The following MACROD2 variants were observed in gnomAD, a reference collection of about 807,000 sequenced individuals.
MACROD2 encodes the protein mono-ADP ribosylhydrolase 2.
In MACROD2, 36 loss-of-function variants were observed where a neutral mutation model predicts 70.4. The observed-to-expected ratio is 0.51, with a 90% confidence interval of 0.39 to 0.68. The LOEUF is 0.68. Among genes scored for constraint, MACROD2 ranks in the 30% least tolerant of loss-of-function variants. The pLI, the probability that MACROD2 is intolerant of heterozygous loss-of-function variation, is 0.00. For missense variants in MACROD2, 496 were observed against 538.4 expected, an observed-to-expected ratio of 0.92 and a Z score of 0.78; for synonymous variants, 172 against 178.8, an observed-to-expected ratio of 0.96 and a Z score of 0.30.
rs186180669 is a variant in MACROD2 at position 14,088,597 on chromosome 20, A to T, written c.271+2869A>T. Among the ~76,000 whole-genome samples the T allele has an allele frequency of 8.2e-4, 125 of 152,168 alleles. 1 individual carries two copies. The highest frequency in any genetic ancestry group is 2.9e-3 in the African/African-American group (122 of 41,526). On this transcript the variant is annotated intron_variant, in intron 3 of 17. Transcript: ENST00000684519. ...CTTCCTTTTTAAATACTTGAAGATC[A>T]CTCTCACAAGTTTTCTCCTTCTTGT... is the stretch of plus-strand genomic sequence containing the variant.
intron 6 of MACROD2, among the ~76,000 whole-genome samples, chr20:15,396,942 C>A (rs1261713972): frequency 6.6e-6 from 1 of 152,186 alleles, no homozygotes; most frequent in Non-Finnish European, 1.5e-5. Context: ...CGGTGCATTC[C>A]ATCATTAAAA....
intron 5 of MACROD2, among the ~76,000 whole-genome samples, chr20:14,778,808 G>A (rs2072264881): frequency 6.6e-6 from 1 of 152,032 alleles, no homozygotes; most frequent in African/African-American, 2.4e-5. Context: ...TGTGACATCT[G>A]GAATCAGTAC....
intron 3 of MACROD2, among the ~76,000 whole-genome samples, chr20:14,473,735 A>G (rs1346487596): frequency 2.6e-5 from 4 of 152,240 alleles, no homozygotes; most frequent in Non-Finnish European, 5.9e-5. Context: ...ACTGTCGTCT[A>G]TGATAGCTTA....
Position 15,920,542 on chromosome 20 carries a change from C to T in MACROD2, c.776-12734C>T, listed in dbSNP as rs781600945. Among the ~76,000 whole-genome samples, 8 of 152,116 alleles carry T rather than the reference C, an allele frequency of 5.3e-5. No homozygotes were observed. In the South Asian group the frequency reaches 8.3e-4, roughly 16 times the overall value. On this transcript the variant is annotated intron_variant, in intron 10 of 17. Transcript: ENST00000684519. The stretch of plus-strand genomic sequence containing the variant: ...TTTTTTCTCTTCATCTATTTGACCT[C>T]ATTTTTTATTAAAAGACCTCTGTTG...
chr20:15,154,389 T>C (rs752868316), intron 5 of MACROD2, among the ~76,000 whole-genome samples: 1 of 152,218 alleles, frequency 6.6e-6, no homozygotes, highest in Non-Finnish European at 1.5e-5. Flanking sequence ...GTCTGGCTTA[T>C]CCAACTGGAT....
chr20:14,573,452 A>G (rs1285794778), intron 4 of MACROD2, among the ~76,000 whole-genome samples: 1 of 152,210 alleles, frequency 6.6e-6, no homozygotes, highest in Non-Finnish European at 1.5e-5. Context: ...ATAGAAAATA[A>G]AGTATCTACG....
intron 4 of MACROD2, among the ~76,000 whole-genome samples, chr20:14,606,487 G>T (rs568784191): frequency 1.3e-5 from 2 of 152,138 alleles, no homozygotes; most frequent in Non-Finnish European, 2.9e-5. Context: ...TTGAAATTGT[G>T]ATTACTATTT....
intron 5 of MACROD2, among the ~76,000 whole-genome samples, chr20:15,040,922 G>A (rs954051708): frequency 6.6e-6 from 1 of 152,138 alleles, no homozygotes; most frequent in Admixed American, 6.5e-5. Context: ...TCCTTGTATA[G>A]AGATAGTTTT....
At chr20:15,599,759 G>A (rs915053535) in intron 8 of MACROD2, among the ~76,000 whole-genome samples, 2 of 152,140 alleles carry the variant, frequency 1.3e-5, no homozygotes, top group African/African-American at 4.8e-5. Flanking sequence ...ACACGCAAAT[G>A]CATGAAAATT....
intron 8 of MACROD2, among the ~76,000 whole-genome samples, chr20:15,820,412 G>A (rs996169526): frequency 5.9e-5 from 9 of 152,152 alleles, no homozygotes; most frequent in South Asian, 2.1e-4. Context: ...GGCTGGTCTC[G>A]AACTCCTGGG....
At chr20:14,097,725 T>G (rs887248897) in intron 3 of MACROD2, among the ~76,000 whole-genome samples, 9 of 152,338 alleles carry the variant, frequency 5.9e-5, no homozygotes, top group Non-Finnish European at 1.3e-4. Context: ...AGATTTTTTT[T>G]GGGTTTTGGA....
intron 3 of MACROD2, among the ~76,000 whole-genome samples, chr20:14,142,400 C>T (rs1415545774): frequency 6.6e-6 from 1 of 152,140 alleles, no homozygotes; most frequent in Non-Finnish European, 1.5e-5. Context: ...CAGCTTGGCG[C>T]TTTACCATCA....
chr20:15,982,204 C>G (rs1480215370), intron 13 of MACROD2, among the ~76,000 whole-genome samples: 1 of 152,136 alleles, frequency 6.6e-6, no homozygotes, highest in Non-Finnish European at 1.5e-5. Context: ...TCATAGCACA[C>G]ATCGGGCAGG....
At chr20:15,525,292 A>G (rs930778118) in intron 8 of MACROD2, among the ~76,000 whole-genome samples, 5 of 152,198 alleles carry the variant, frequency 3.3e-5, no homozygotes, top group African/African-American at 1.2e-4. Context: ...AAGAGCCCCA[A>G]GGAAAGGGAT....
intron 8 of MACROD2, among the ~76,000 whole-genome samples, chr20:15,600,315 T>C (rs2048802203): frequency 6.6e-6 from 1 of 152,188 alleles, no homozygotes; most frequent in Admixed American, 6.5e-5. Flanking sequence ...TTTACTTCCT[T>C]ATTAATTCAT....
Position 14,326,582 on chromosome 20 carries a change from A to C in MACROD2, c.272-166897A>C. 1 of 1,613,900 alleles carries C rather than the reference A, an allele frequency of 6.2e-7. No individual in the cohort carries two copies. The highest frequency in any genetic ancestry group is 1.1e-5 in the South Asian group (1 of 91,090). On this transcript the variant is annotated intron_variant, in intron 3 of 17. Coordinates refer to ENST00000684519, the MANE Select transcript of MACROD2 (RefSeq NM_001351661.2). This position sits in a 1 kb window ranked among gnomAD's most constrained non-coding sequence, Gnocchi z 5.5. ...CGTACCCATTTCATCTTGCACCCGC[A>C]ATACCAGGGATTGTTGCGAAGAATC...
chr20:15,969,581 T>C (rs1281331683), intron 13 of MACROD2, among the ~76,000 whole-genome samples: 1 of 152,154 alleles, frequency 6.6e-6, no homozygotes, highest in Non-Finnish European at 1.5e-5. Flanking sequence ...CTGAACATCA[T>C]ATTAGACACA....
At chr20:15,643,176 G>A (rs928639417) in intron 8 of MACROD2, among the ~76,000 whole-genome samples, 3 of 152,050 alleles carry the variant, frequency 2.0e-5, no homozygotes, top group Non-Finnish European at 2.9e-5. Context: ...GCTGTTCAAC[G>A]TTCTCTACAA....
At chr20:15,304,725 G>C (rs555694684) in intron 6 of MACROD2, among the ~76,000 whole-genome samples, 2 of 151,026 alleles carry the variant, frequency 1.3e-5, no homozygotes, top group South Asian at 4.2e-4. Flanking sequence ...TTACGTGCCT[G>C]CCTTATCTAA....
Sources: gnomAD v4.1 joint callset for allele counts (sites outside exome capture counted in the v4.1 genomes callset) on GRCh38, gnomAD v4.1.1 for gene constraint, Gnocchi (gnomAD v3.1) non-coding constraint, MANE v1.5 for transcripts, NCBI Gene and HGNC (gene_info 2026-07-23, HGNC 2026-07-21) for gene names.